The following HLA-DQA1 variants were observed in gnomAD, a reference collection of about 807,000 sequenced individuals.
The protein encoded by HLA-DQA1 is HLA class II histocompatibility antigen, DQ alpha 1 chain.
In HLA-DQA1, 10 loss-of-function variants were observed where a neutral mutation model predicts 20.7. That is an observed-to-expected ratio of 0.48 (90% CI 0.30 to 0.82). The LOEUF (loss-of-function observed/expected upper bound fraction) is 0.82, where lower values mean the gene tolerates loss of function less well. HLA-DQA1 is among the 40% of genes least tolerant of loss of function. HLA-DQA1 has a pLI of 0.07. For synonymous variants in HLA-DQA1, 39 were observed against 109.2 expected, an observed-to-expected ratio of 0.36 and a Z score of 4.01; for missense variants, 127 against 293.0, an observed-to-expected ratio of 0.43 and a Z score of 4.14.
rs1054395736 is a variant in HLA-DQA1, at chr6:32,640,391, C to T, written c.83-919C>T. Among the ~76,000 whole-genome samples, 3 of 90,346 alleles carry T rather than the reference C, an allele frequency of 3.3e-5. 1 individual carries two copies. Among genetic ancestry groups the T allele is most frequent in the African/African-American group, 1.2e-4 (3 of 25,530 alleles). The allele number at this position is 90,346 out of a possible 152,430, so 59.3% of individuals were successfully genotyped here. A position where few individuals can be genotyped will look rare whatever the true frequency, so the allele number is the denominator to read the frequency against. Reference sequence around the variant, plus strand: ...AAGATACGATGGTAAAAGGCTTACACATGTCTTGACAAAAAAGTCCAGTTT... The same window carrying T: ...AAGATACGATGGTAAAAGGCTTACATATGTCTTGACAAAAAAGTCCAGTTT... On this transcript the variant is annotated intron_variant, in intron 1 of 4. Coordinates refer to ENST00000343139, the MANE Select transcript of HLA-DQA1 (RefSeq NM_002122.5).
rs1354221432 is a variant in HLA-DQA1, at chr6:32,642,227, T to C, written c.587T>C (p.Leu196Pro). The C allele has an allele frequency of 7.3e-7, 1 of 1,366,506 alleles. No individual in the cohort carries two copies. The highest frequency in any genetic ancestry group is 1.0e-6 in the Non-Finnish European group (1 of 986,954). The allele number at this position is 1,366,506 out of a possible 1,614,324, so 84.6% of individuals were successfully genotyped here. A position where few individuals can be genotyped will look rare whatever the true frequency, so the allele number is the denominator to read the frequency against. ...IYDCKVEHWG[L>P]DQPLLKHWEP... ...GACTGCAAGGTGGAGCACTGGGGCC[T>C]GGACCAGCCTCTTCTGAAACACTGG... The change falls in exon 3 of 5, where the codon CTG (leucine) becomes CCG (proline). Residue 196 changes from leucine (L) to proline (P), a missense_variant. By Grantham distance (98) the Leu-to-Pro change is moderately conservative. Transcript: ENST00000343139.
chr6:32,647,654 G>A (rs17843576), downstream of HLA-DQA1, among the ~76,000 whole-genome samples: 85,921 of 151,344 alleles, frequency 0.57, 24,601 homozygotes, highest in Middle Eastern at 0.7. Context: ...AGGAAACCCT[G>A]AGTATCCAAA....
chr6:32,654,374 G>T, the HLA-DQA1 span, among the ~76,000 whole-genome samples: 1 of 122,336 alleles, frequency 8.2e-6, no homozygotes, highest in South Asian at 2.6e-4. Flanking sequence ...GGTGACTACG[G>T]TTAATAATAA....
chr6:32,655,034 A>C, the HLA-DQA1 span, among the ~76,000 whole-genome samples: 14 of 41,196 alleles, frequency 3.4e-4, 3 homozygotes, highest in Non-Finnish European at 4.0e-4. Flanking sequence ...CTCTGTCCCA[A>C]AAAAAAAAAA....
the HLA-DQA1 span, among the ~76,000 whole-genome samples, chr6:32,653,950 A>G: frequency 0.11 from 7,477 of 67,556 alleles, 1,012 homozygotes; most frequent in Admixed American, 0.15. Context: ...TCAAAATCAC[A>G]GCAGGTGGGG....
chr6:32,639,082 T>G (rs191517186), intron 1 of HLA-DQA1: 1 of 247,754 alleles, frequency 4.0e-6, no homozygotes, highest in African/African-American at 3.0e-5. Flanking sequence ...AGTGGAAGTT[T>G]CACCTGCTTC....
At chr6:32,651,678 A>C (rs572019305), downstream of HLA-DQA1, among the ~76,000 whole-genome samples, 30 of 92,882 alleles carry the variant, frequency 3.2e-4, 9 homozygotes, top group South Asian at 0.01. Context: ...CTCAGGTTAC[A>C]GAGCTAGAGA....
intron 1 of HLA-DQA1, 106 bp from the exon 2 acceptor site, chr6:32,641,204 A>G (rs115508098): frequency 0.033 from 22,054 of 672,698 alleles, 3,180 homozygotes; most frequent in Admixed American, 0.097. Flanking sequence ...TGTGCCAAAA[A>G]ATGAAGCCCA....
In HLA-DQA1 at chr6:32,641,436, G is replaced by A. The variant is rs3207983; in HGVS notation, c.209G>A (p.Arg70Gln). 3.4e-3 allele frequency: 3,480 copies of A among 1,035,996 alleles called. 433 individuals are homozygous for A. The highest frequency in any genetic ancestry group is 9.5e-3 in the Admixed American group (265 of 27,798). 64.2% of individuals were successfully genotyped at this position (1,035,996 alleles called of 1,614,324 possible). ...CTGGAGAGGAAGGAGACTGCCTGGC[G>A]GTGGCCTGAGTTCAGCAAATTTGGA... ...VDLERKETAW[R>Q]WPEFSKFGGF... The change falls in exon 2 of 5, where the codon CGG becomes CAG. Residue 70 changes from arginine to glutamine, a missense_variant. Physicochemically the swap from Arg to Gln is conservative, Grantham distance 43 (BLOSUM62 1). This residue lies in a region of HLA-DQA1 where 15 missense variants were observed against 56.2 expected (regional missense o/e 0.27). Transcript: ENST00000343139.
chr6:32,647,805 A>C (rs17612597), downstream of HLA-DQA1, among the ~76,000 whole-genome samples: 85,433 of 150,702 alleles, frequency 0.57, 24,459 homozygotes, highest in Middle Eastern at 0.7. Flanking sequence ...TTATATGTTC[A>C]TTAATTCATC....
At chr6:32,644,998 G>GAAA (rs1318810802), downstream of HLA-DQA1, 1 of 136,294 alleles carries the variant, frequency 7.3e-6, no homozygotes, top group African/African-American at 2.7e-5. Flanking sequence ...TGATGATCAT[G>GAAA]AAAATGTCCA....
At position 32,641,329 on chromosome 6, in the gene HLA-DQA1, T is replaced by G; in HGVS notation, c.102T>G (p.Cys34Trp). Residue 34 changes from cysteine to tryptophan, a missense_variant, in exon 2 of 5, where the codon TGT becomes TGG. Cys to Trp is a radical substitution (Grantham distance 215). Transcript: ENST00000343139. ...CATCAGCTGACCACGTTGCCTCTTG[T>G]GGTGTAAACTTGTACCAGTTTTACG... ...EDIVADHVAS[C>W]GVNLYQFYGP... 8.4e-7 allele frequency: 1 copy of G among 1,190,434 alleles called. No homozygotes were observed. Among genetic ancestry groups the G allele is most frequent in the South Asian group, 1.2e-5 (1 of 82,714 alleles). The allele number at this position is 1,190,434 out of a possible 1,614,324, so 73.7% of individuals were successfully genotyped here.
chr6:32,654,401 A>G, the HLA-DQA1 span, among the ~76,000 whole-genome samples: 37,308 of 92,264 alleles, frequency 0.4, 9,304 homozygotes, highest in Middle Eastern at 0.6. Context: ...GTCATTTCTC[A>G]GCATCCATGA....
In HLA-DQA1 at chr6:32,642,725, G is replaced by A. The variant is rs751948582; in HGVS notation, c.729G>A (p.Leu243=). Residue 243 remains leucine (L), a synonymous_variant, in exon 4 of 5, where the codon CTG becomes CTA. Coordinates refer to ENST00000343139, the MANE Select transcript of HLA-DQA1 (RefSeq NM_002122.5). ...GCACTGTCTTCATCATCCAAGGCCTGCGTTCAGTTGGTGCTTCCAGACACC... is the reference window on the plus strand; with the variant it reads ...GCACTGTCTTCATCATCCAAGGCCTACGTTCAGTTGGTGCTTCCAGACACC... ...VVGTVFIIQG[L]RSVGASRHQG... is the part of the protein sequence containing the mutation. 4.3e-6 allele frequency: 5 copies of A among 1,172,110 alleles called. No homozygotes were observed. In the South Asian group the frequency reaches 5.1e-5, roughly 12 times the overall value. 72.6% of individuals were successfully genotyped at this position (1,172,110 alleles called of 1,614,324 possible). A position where few individuals can be genotyped will look rare whatever the true frequency, so the allele number is the denominator to read the frequency against.
the HLA-DQA1 span, among the ~76,000 whole-genome samples, chr6:32,654,505 T>C: frequency 0.18 from 12,662 of 69,056 alleles, 2,132 homozygotes; most frequent in Middle Eastern, 0.39. Context: ...TAACCTAAGC[T>C]TATCCTCCCA....
In HLA-DQA1 at chr6:32,637,497, T is replaced by C. The variant is rs1130034; in HGVS notation, c.39T>C (p.Ala13=). 196,198 of 927,574 alleles carry C rather than the reference T, an allele frequency of 0.21. 69,937 individuals are homozygous for C. Among genetic ancestry groups the C allele is most frequent in the Admixed American group, 0.49 (17,204 of 35,012 alleles). The allele number at this position is 927,574 out of a possible 1,614,324, so 57.5% of individuals were successfully genotyped here. Residue 13 remains alanine, a synonymous_variant, in exon 1 of 5, where the codon GCT becomes GCC. Transcript: ENST00000343139. ...AAGCTCTGCTGCTGGGGGCCCTCGC[T>C]CTGACCACCGTGATGAGCCCCTGTG... ...LNKALLLGAL[A]LTTVMSPCGG... is the part of the protein sequence containing the mutation.
At chr6:32,655,036 A>ACC in the HLA-DQA1 span, among the ~76,000 whole-genome samples, 43 of 29,752 alleles carry the variant, frequency 1.4e-3, 12 homozygotes, top group South Asian at 0.023. Flanking sequence ...CTGTCCCAAA[A>ACC]AAAAAAAAAA....
At chr6:32,641,639 C>T in intron 2 of HLA-DQA1, 81 bp downstream of exon 2, 2 of 747,588 alleles carry the variant, frequency 2.7e-6, no homozygotes, top group African/African-American at 2.1e-5. Flanking sequence ...CAAGAGGTCC[C>T]CAGATCTTCT....
chr6:32,652,263 G>A, the HLA-DQA1 span, among the ~76,000 whole-genome samples: 1 of 75,594 alleles, frequency 1.3e-5, no homozygotes. Context: ...CCTGGGGACA[G>A]AGGGAGACTC....
Sources: gnomAD v4.1 joint callset for allele counts (sites outside exome capture counted in the v4.1 genomes callset) on GRCh38, gnomAD v4.1.1 for gene constraint, gnomAD v4.1.1 regional missense constraint, MANE v1.5 for transcripts, NCBI Gene and HGNC (gene_info 2026-07-23, HGNC 2026-07-21) for gene names.